Variants in USB1 observed in about 807,000 individuals in gnomAD.
The protein encoded by USB1 is U6 snRNA phosphodiesterase 1.
A neutral mutation model predicts 29.9 loss-of-function variants in USB1; 21 were observed. The ratio of observed to expected loss-of-function variants is 0.70; its 90% CI spans 0.50 to 1.01. The LOEUF (loss-of-function observed/expected upper bound fraction) is 1.01, where lower values mean the gene tolerates loss of function less well. Ranked by LOEUF, USB1 falls within the 50% of genes least tolerant of loss-of-function variation. The probability of loss-of-function intolerance (pLI) is 0.00; values close to 1 mark genes in which losing one functional copy is unlikely to be tolerated. For missense variants in USB1, 330 were observed against 347.1 expected (o/e 0.95, Z 0.39); for synonymous variants, 143 against 134.9 (o/e 1.06, Z -0.42).
intron 5 of USB1, among the ~76,000 whole-genome samples, 191 bp downstream of exon 5, chr16:58,017,630 C>A (rs1963647942): frequency 6.6e-6 from 1 of 152,220 alleles, no homozygotes; most frequent in Non-Finnish European, 1.5e-5. Flanking sequence ...ATGCAGCCCA[C>A]CCAAAGTCCA....
chr16:58,018,224 CTTTTTT>C (rs1179959137), intron 5 of USB1, among the ~76,000 whole-genome samples: 3 of 130,116 alleles, frequency 2.3e-5, no homozygotes, highest in Non-Finnish European at 5.0e-5. Context: ...TGGTTGATGT[CTTTTTT>C]TTTTTTTTTT....
intron 2 of USB1, among the ~76,000 whole-genome samples, chr16:58,008,539 C>A (rs370903888): frequency 6.6e-6 from 1 of 150,910 alleles, no homozygotes; most frequent in Non-Finnish European, 1.5e-5. Context: ...CTGCAACTTC[C>A]GCCTCCCAGG....
chr16:58,001,560 C>T lies in USB1; in HGVS notation c.77C>T (p.Pro26Leu), dbSNP rs1597040902. Residue 26 changes from proline to leucine, a missense_variant, in exon 1 of 7, where the codon CCG becomes CTG. Coordinates refer to ENST00000219281, the MANE Select transcript of USB1 (RefSeq NM_024598.4). ...TCCGAGGACGGGATGCGGACCAGGC[C>T]GGGGGATGGGAGCCACCGTCGGTGA... Reference protein sequence around the residue: ...DESEDGMRTRPGDGSHRRGQS... With the variant: ...DESEDGMRTRLGDGSHRRGQS... 6.2e-7 allele frequency: 1 copy of T among 1,608,740 alleles called. No homozygotes were observed. The highest frequency in any genetic ancestry group is 1.1e-5 in the South Asian group (1 of 90,184).
intron 5 of USB1, among the ~76,000 whole-genome samples, chr16:58,018,333 TC>T (rs1172831147): frequency 6.6e-6 from 1 of 151,760 alleles, no homozygotes; most frequent in Non-Finnish European, 1.5e-5. Context: ...TTCAAGCAAT[TC>T]TGCCTCAGTC....
chr16:58,012,482 A>T, intron 3 of USB1: 1 of 1,175,712 alleles, frequency 8.5e-7, no homozygotes, highest in African/African-American at 1.5e-5. Context: ...CACCACAGGC[A>T]GACTGTTCAC....
chr16:58,013,868 C>T lies in USB1; in HGVS notation c.450-405C>T, dbSNP rs897464714. 17 of 221,196 alleles carry T rather than the reference C, an allele frequency of 7.7e-5. 1 individual carries two copies. Among genetic ancestry groups the T allele is most frequent in the South Asian group, 4.0e-4 (6 of 15,026 alleles). The allele number at this position is 221,196 out of a possible 1,614,324, so 13.7% of individuals were successfully genotyped here. On this transcript the variant is annotated intron_variant, in intron 3 of 6. Transcript: ENST00000219281. This position sits in a 1 kb window ranked among gnomAD's most constrained non-coding sequence, Gnocchi z 4.3. ...GCCCTGACACACGAAGAAATGTTGT[C>T]GTGATTGCTTAGATGAAATCGGAGT...
intron 2 of USB1, among the ~76,000 whole-genome samples, chr16:58,003,656 G>A (rs781374594): frequency 1.3e-5 from 2 of 152,102 alleles, no homozygotes; most frequent in Non-Finnish European, 2.9e-5. Context: ...TGCCATCTGT[G>A]TATCTTCCTC....
rs1007425804 is a variant in USB1 at position 58,020,495 on chromosome 16, CTCT to C, written c.*254_*256del. 3 of 548,606 alleles carry C rather than the reference CTCT, an allele frequency of 5.5e-6. No homozygotes were observed. Among genetic ancestry groups the C allele is most frequent in the South Asian group, 2.0e-5 (1 of 48,968 alleles). 34.0% of individuals were successfully genotyped at this position (548,606 alleles called of 1,614,324 possible). ...GTCTCTCTTCCTCTCCTCTCTTCCT[CTCT>C]TCTCTCTTCCTCTCCTCTCTCTCTT... On this transcript the variant is annotated 3_prime_UTR_variant, in exon 7 of 7. Coordinates refer to ENST00000219281, the MANE Select transcript of USB1 (RefSeq NM_024598.4).
At chr16:58,011,887 A>G in intron 3 of USB1, 1 of 999,934 alleles carries the variant, frequency 1.0e-6, no homozygotes, top group Non-Finnish European at 1.2e-6. Flanking sequence ...TGCGGGAATG[A>G]GGGAGCCTAG....
At chr16:58,018,258 A>G (rs957540283) in intron 5 of USB1, among the ~76,000 whole-genome samples, 64 of 130,000 alleles carry the variant, frequency 4.9e-4, no homozygotes, top group African/African-American at 1.8e-3. Context: ...ACAGAGTCTT[A>G]CTCTGTCGCC....
chr16:58,004,266 G>T (rs548201858), intron 2 of USB1, among the ~76,000 whole-genome samples: 1 of 152,252 alleles, frequency 6.6e-6, no homozygotes, highest in South Asian at 2.1e-4. Flanking sequence ...GTATTGATGT[G>T]GGTCTATTTC....
Position 58,013,408 on chromosome 16 carries a change from C to A in USB1, c.450-865C>A, listed in dbSNP as rs1302692147. The stretch of plus-strand genomic sequence containing the variant: ...CCCTTGGGCAGATTGTGAGGCTCTA[C>A]CCAGCATGCTGGTATATTATGTTCC... On this transcript the variant is annotated intron_variant, in intron 3 of 6. Coordinates refer to ENST00000219281, the MANE Select transcript of USB1 (RefSeq NM_024598.4). This position sits in a 1 kb window ranked among gnomAD's most constrained non-coding sequence, Gnocchi z 4.3. The A allele has an allele frequency of 1.1e-5, 11 of 985,294 alleles. No homozygotes were observed. The highest frequency in any genetic ancestry group is 1.3e-5 in the Non-Finnish European group (11 of 829,956). 61.0% of individuals were successfully genotyped at this position (985,294 alleles called of 1,614,324 possible). A position where few individuals can be genotyped will look rare whatever the true frequency, so the allele number is the denominator to read the frequency against.
chr16:58,020,151 A>C lies in USB1; in HGVS notation c.704A>C (p.Asp235Ala). The C allele has an allele frequency of 6.2e-7, 1 of 1,614,116 alleles. No individual in the cohort carries two copies. Among genetic ancestry groups the C allele is most frequent in the Non-Finnish European group, 8.5e-7 (1 of 1,180,008 alleles). Residue 235 changes from aspartate to alanine, a missense_variant, in exon 7 of 7, where the codon GAT becomes GCT. Asp to Ala is a moderately radical substitution (Grantham distance 126). Coordinates refer to ENST00000219281, the MANE Select transcript of USB1 (RefSeq NM_024598.4). ...GGCTGCTGTTTTAAGGCAATCGTGG[A>C]TGGGTTTGAAGATGCTGAGGTGCTG... ...QCLQELQAIV[D>A]GFEDAEVLLR... is the part of the protein sequence containing the mutation.
chr16:58,016,855 A>T (rs931434031), intron 4 of USB1: 2 of 182,892 alleles, frequency 1.1e-5, no homozygotes, highest in African/African-American at 4.7e-5. Flanking sequence ...GAGAAGTTTC[A>T]CTGAGAATGG....
chr16:58,000,080 GAA>G (rs1168309059), upstream of USB1, among the ~76,000 whole-genome samples: 1 of 152,106 alleles, frequency 6.6e-6, no homozygotes, highest in Non-Finnish European at 1.5e-5. This position sits in a 1 kb window ranked among gnomAD's most constrained non-coding sequence, Gnocchi z 4.5. Context: ...CTGAGAAACC[GAA>G]TGAAAGCCGA....
At chr16:58,001,639 G>T (rs1963197477) in intron 1 of USB1, 58 bp downstream of exon 1, 1 of 1,541,682 alleles carries the variant, frequency 6.5e-7, no homozygotes, top group Non-Finnish European at 8.8e-7. Context: ...AGCCAGACGG[G>T]ACCCGAATGT....
In USB1 at chr16:58,010,084, C is replaced by G; in HGVS notation, c.421C>G (p.Leu141Val). 2 of 1,614,122 alleles carry G rather than the reference C, an allele frequency of 1.2e-6. No homozygotes were observed. The highest frequency in any genetic ancestry group is 4.5e-5 in the East Asian group (2 of 44,866). The part of the protein sequence containing the change: ...HHWILPFVQA[L>V]KARMTSFHRF... ...CTGGATCCTCCCCTTCGTGCAGGCT[C>G]TGAAAGCCCGTATGACCTCCTTCCA... Residue 141 changes from leucine to valine, a missense_variant, in exon 3 of 7, where the codon CTG becomes GTG. Transcript: ENST00000219281.
chr16:58,011,373 T>C, intron 3 of USB1: 1 of 1,229,240 alleles, frequency 8.1e-7, no homozygotes, highest in South Asian at 3.0e-5. Context: ...CTTCTGGTTT[T>C]GTCTGCCAGC....
At chr16:58,001,654 G>T in intron 1 of USB1, 73 bp downstream of exon 1, 1 of 1,497,128 alleles carries the variant, frequency 6.7e-7, no homozygotes, top group Non-Finnish European at 9.1e-7. Context: ...GAATGTCTGG[G>T]GGTGGAGTGG....
Sources: gnomAD v4.1 joint callset for allele counts (sites outside exome capture counted in the v4.1 genomes callset) on GRCh38, gnomAD v4.1.1 for gene constraint, Gnocchi (gnomAD v3.1) non-coding constraint, MANE v1.5 for transcripts, NCBI Gene and HGNC (gene_info 2026-07-23, HGNC 2026-07-21) for gene names.